THEMIS: variants seen among roughly 807,000 people sequenced by gnomAD.
THEMIS encodes the protein protein THEMIS.
THEMIS carries 37 observed loss-of-function variants against 52.6 expected under a neutral mutation model. The ratio of observed to expected loss-of-function variants is 0.70; its 90% CI spans 0.54 to 0.93. The LOEUF is 0.93. Among genes scored for constraint, THEMIS ranks in the 40% least tolerant of loss-of-function variants. The pLI is 0.00. For missense variants in THEMIS, 808 were observed against 763.1 expected (o/e 1.06, Z -0.69); for synonymous variants, 292 against 272.7 (o/e 1.07, Z -0.70).
At chr6:127,773,293 C>T (rs1019333155) in intron 4 of THEMIS, among the ~76,000 whole-genome samples, 4 of 152,146 alleles carry the variant, frequency 2.6e-5, no homozygotes, top group African/African-American at 9.7e-5. Flanking sequence ...CCATTTTGAT[C>T]ATCACAAAGA....
chr6:127,735,713 G>A (rs367644174), intron 4 of THEMIS, among the ~76,000 whole-genome samples: 1 of 152,142 alleles, frequency 6.6e-6, no homozygotes, highest in East Asian at 1.9e-4. Flanking sequence ...AGTTGCCAGG[G>A]CAGTTCTTCT....
chr6:127,905,462 C>G (rs1781244366), upstream of THEMIS, among the ~76,000 whole-genome samples: 1 of 151,960 alleles, frequency 6.6e-6, no homozygotes, highest in South Asian at 2.1e-4. Flanking sequence ...GAAAATTCAT[C>G]ACCAGTAAAC....
At chr6:127,837,777 A>AATG (rs1419375848) in intron 2 of THEMIS, among the ~76,000 whole-genome samples, 2 of 152,062 alleles carry the variant, frequency 1.3e-5, no homozygotes, top group African/African-American at 2.4e-5. Context: ...TGTTTTAAAC[A>AATG]ATGTCGAAAC....
At chr6:127,834,864 A>G (rs1221191582) in intron 2 of THEMIS, among the ~76,000 whole-genome samples, 1 of 152,146 alleles carries the variant, frequency 6.6e-6, no homozygotes, top group Non-Finnish European at 1.5e-5. Flanking sequence ...AAATGATATA[A>G]TCTGATATCT....
At chr6:127,877,710 A>G (rs1780356232) in intron 1 of THEMIS, among the ~76,000 whole-genome samples, 2 of 152,248 alleles carry the variant, frequency 1.3e-5, no homozygotes, top group Admixed American at 1.3e-4. Context: ...GATGATTACA[A>G]CAAATATACT....
At chr6:127,915,534 T>C (rs1322531556) in intron 1 of THEMIS, among the ~76,000 whole-genome samples, 1 of 150,160 alleles carries the variant, frequency 6.7e-6, no homozygotes, top group African/African-American at 2.5e-5. Flanking sequence ...GGCTCTGTAC[T>C]CTGCTTGGGG....
chr6:127,704,581 T>G (rs1383545784), downstream of THEMIS, among the ~76,000 whole-genome samples: 1 of 152,200 alleles, frequency 6.6e-6, no homozygotes, highest in Non-Finnish European at 1.5e-5. Context: ...GAGACTGATA[T>G]ATGACAATAG....
chr6:127,785,938 T>G (rs1204499732), intron 4 of THEMIS, among the ~76,000 whole-genome samples: 6 of 152,130 alleles, frequency 3.9e-5, no homozygotes, highest in Admixed American at 3.3e-4. Context: ...GGCTCAAGTT[T>G]GCTGACATTT....
intron 4 of THEMIS, among the ~76,000 whole-genome samples, chr6:127,736,806 C>T (rs1353390128): frequency 6.7e-6 from 1 of 148,244 alleles, no homozygotes; most frequent in Admixed American, 6.7e-5. Context: ...GAAGGATTAT[C>T]CCAGTTTTGA....
chr6:127,756,394 A>G (rs968126391), intron 4 of THEMIS, among the ~76,000 whole-genome samples: 1 of 152,138 alleles, frequency 6.6e-6, no homozygotes, highest in Non-Finnish European at 1.5e-5. Context: ...ACCAAATTCA[A>G]TTTTATTCAA....
intron 1 of THEMIS, among the ~76,000 whole-genome samples, chr6:127,868,204 A>G (rs1259290633): frequency 1.3e-5 from 2 of 152,130 alleles, no homozygotes; most frequent in South Asian, 4.1e-4. Flanking sequence ...GCATCTATTT[A>G]GGGCTTAATA....
intron 2 of THEMIS, among the ~76,000 whole-genome samples, chr6:127,836,027 A>T (rs562412948): frequency 1.3e-5 from 2 of 152,340 alleles, no homozygotes; most frequent in African/African-American, 4.8e-5. Context: ...CATTATACAC[A>T]GTTACTGAAG....
In THEMIS at chr6:127,813,806, T is replaced by C. The variant is rs772972761; in HGVS notation, c.835A>G (p.Lys279Glu). ...ACTTCAGTCACTATGGGGAACTCTT[T>C]ACTAGTCATTTCAAAAAGATCTTCT... ...STEDLFEMTS[K>E]EFPIVTEVIE... Residue 279 changes from lysine to glutamate, a missense_variant, in exon 4 of 6, where the codon AAA (lysine) becomes GAA (glutamate). Coordinates refer to ENST00000368248, the MANE Select transcript of THEMIS (RefSeq NM_001010923.3). 9 of 1,613,944 alleles carry C rather than the reference T, an allele frequency of 5.6e-6. No homozygotes were observed. Among genetic ancestry groups the C allele is most frequent in the South Asian group, 1.1e-5 (1 of 91,060 alleles).
intron 1 of THEMIS, among the ~76,000 whole-genome samples, chr6:127,916,105 T>A (rs1206534102): frequency 6.6e-6 from 1 of 152,064 alleles, no homozygotes; most frequent in African/African-American, 2.4e-5. Context: ...AAATTAACCC[T>A]ATATTTGTTT....
chr6:127,711,610 A>G (rs1198970198), intron 5 of THEMIS, among the ~76,000 whole-genome samples: 2 of 151,938 alleles, frequency 1.3e-5, no homozygotes, highest in Admixed American at 1.3e-4. Context: ...AGCTTTTTAG[A>G]TCTTTCTTAT....
intron 2 of THEMIS, among the ~76,000 whole-genome samples, chr6:127,847,194 G>A (rs952555208): frequency 2.6e-5 from 4 of 151,930 alleles, no homozygotes; most frequent in Non-Finnish European, 5.9e-5. Context: ...ATGGGGAAAA[G>A]TTGAAAGCAT....
At chr6:127,875,481 G>C (rs1780287356) in intron 1 of THEMIS, among the ~76,000 whole-genome samples, 3 of 152,138 alleles carry the variant, frequency 2.0e-5, no homozygotes. Flanking sequence ...GGAAATGTGA[G>C]TCTCTTCCCA....
At chr6:127,740,761 G>A (rs1354860661) in intron 4 of THEMIS, among the ~76,000 whole-genome samples, 1 of 152,084 alleles carries the variant, frequency 6.6e-6, no homozygotes, top group Non-Finnish European at 1.5e-5. Context: ...GAGCATTTAC[G>A]AGTCACTAGA....
At chr6:127,855,994 T>G (rs1201300458) in intron 1 of THEMIS, among the ~76,000 whole-genome samples, 1 of 151,946 alleles carries the variant, frequency 6.6e-6, no homozygotes, top group African/African-American at 2.4e-5. Flanking sequence ...ACCCAAAAAC[T>G]ATATCTCTGG....
Sources: gnomAD v4.1 joint callset for allele counts (sites outside exome capture counted in the v4.1 genomes callset) on GRCh38, gnomAD v4.1.1 for gene constraint, MANE v1.5 for transcripts, NCBI Gene and HGNC (gene_info 2026-07-23, HGNC 2026-07-21) for gene names.